Variants in CNTN4 observed in about 807,000 individuals in gnomAD.
The protein encoded by CNTN4 is contactin 4.
In CNTN4, 77 loss-of-function variants were observed where a neutral mutation model predicts 122.5. The observed-to-expected ratio is 0.63, with a 90% CI of 0.52 to 0.76. The LOEUF (loss-of-function observed/expected upper bound fraction) is 0.76. CNTN4 is among the 30% of genes least tolerant of loss of function. The pLI is 0.00. For synonymous variants in CNTN4, 512 were observed against 447.0 expected (o/e 1.15, Z -1.83); for missense variants, 1,256 against 1,259.1 (o/e 1.00, Z 0.04).
chr3:2,427,065 A>C (rs188919712), intron 3 of CNTN4, among the ~76,000 whole-genome samples: 2 of 151,478 alleles, frequency 1.3e-5, no homozygotes, highest in Non-Finnish European at 2.9e-5. Context: ...TTGTGTCTCT[A>C]TCTCCTTCAG....
At chr3:2,233,934 A>T (rs1273747285) in intron 2 of CNTN4, among the ~76,000 whole-genome samples, 3 of 152,212 alleles carry the variant, frequency 2.0e-5, no homozygotes, top group African/African-American at 7.2e-5. Flanking sequence ...AAACAAAAAA[A>T]TCACCTGGAA....
At chr3:2,509,692 G>T (rs2076829578) in intron 3 of CNTN4, among the ~76,000 whole-genome samples, 1 of 152,134 alleles carries the variant, frequency 6.6e-6, no homozygotes, top group Non-Finnish European at 1.5e-5. Context: ...GATCCATTTT[G>T]CTTTTATTCC....
intron 8 of CNTN4, among the ~76,000 whole-genome samples, chr3:2,871,599 G>T (rs1248092014): frequency 6.6e-6 from 1 of 152,038 alleles, no homozygotes; most frequent in Non-Finnish European, 1.5e-5. Flanking sequence ...GGCACTTAGA[G>T]ATCATGCAAT....
intron 3 of CNTN4, among the ~76,000 whole-genome samples, chr3:2,525,550 C>T (rs1489704000): frequency 3.3e-5 from 5 of 152,042 alleles, no homozygotes; most frequent in Non-Finnish European, 2.9e-5. Flanking sequence ...ATTGGCATAC[C>T]TTTGTGTGTA....
At chr3:2,292,351 T>A (rs746550914) in intron 2 of CNTN4, among the ~76,000 whole-genome samples, 3 of 152,222 alleles carry the variant, frequency 2.0e-5, no homozygotes, top group Non-Finnish European at 2.9e-5. Flanking sequence ...GTACCAAACA[T>A]GTATTAGGTA....
At chr3:2,895,587 T>G (rs1212689083) in intron 10 of CNTN4, among the ~76,000 whole-genome samples, 2 of 152,228 alleles carry the variant, frequency 1.3e-5, no homozygotes, top group African/African-American at 4.8e-5. Flanking sequence ...TCCCATACCA[T>G]TGCCAGAAGC....
intron 14 of CNTN4, chr3:2,988,693 T>C (rs982712669): frequency 8.6e-5 from 48 of 560,832 alleles, no homozygotes; most frequent in Non-Finnish European, 1.2e-4. Context: ...CCAATACAAT[T>C]TTGAGAATTA....
chr3:2,512,118 A>T (rs1341436564), intron 3 of CNTN4, among the ~76,000 whole-genome samples: 1 of 152,194 alleles, frequency 6.6e-6, no homozygotes, highest in East Asian at 1.9e-4. Context: ...TAAATTTAAC[A>T]TAGTTTATTT....
intron 3 of CNTN4, among the ~76,000 whole-genome samples, chr3:2,533,468 C>A (rs534370590): frequency 2.7e-5 from 4 of 147,686 alleles, no homozygotes; most frequent in Admixed American, 1.4e-4. Flanking sequence ...TGAACTCATC[C>A]TTTTTTATGG....
intron 14 of CNTN4, among the ~76,000 whole-genome samples, chr3:3,013,908 T>G (rs1041920031): frequency 1.3e-5 from 2 of 152,200 alleles, no homozygotes; most frequent in Admixed American, 1.3e-4. Context: ...GTGTACCTAT[T>G]TGTTATAACC....
intron 3 of CNTN4, among the ~76,000 whole-genome samples, chr3:2,505,307 T>C (rs534694957): frequency 1.3e-5 from 2 of 152,274 alleles, no homozygotes; most frequent in African/African-American, 4.8e-5. Context: ...TCAGAATGTT[T>C]ATATTGGTTC....
intron 2 of CNTN4, among the ~76,000 whole-genome samples, chr3:2,120,409 T>TAG (rs1559261225): frequency 9.6e-6 from 1 of 104,422 alleles, no homozygotes; most frequent in African/African-American, 4.5e-5. Context: ...ATATATATTT[T>TAG]TTTTTTTTTT....
chr3:2,206,792 CT>C (rs1452539501), intron 2 of CNTN4, among the ~76,000 whole-genome samples: 1 of 150,948 alleles, frequency 6.6e-6, no homozygotes, highest in Non-Finnish European at 1.5e-5. Context: ...CACATTTAGT[CT>C]TTGTAAACTG....
At chr3:2,629,068 T>G (rs554803928) in intron 4 of CNTN4, among the ~76,000 whole-genome samples, 97 of 152,202 alleles carry the variant, frequency 6.4e-4, no homozygotes, top group Non-Finnish European at 1.1e-3. Flanking sequence ...AAGGAACTTA[T>G]GTTACAGACT....
chr3:2,669,398 T>A (rs893461982), intron 4 of CNTN4, among the ~76,000 whole-genome samples: 6 of 152,256 alleles, frequency 3.9e-5, no homozygotes, highest in African/African-American at 1.4e-4. Context: ...TATAGTATTC[T>A]CTGATGGTAG....
At chr3:2,160,128 G>T (rs890130066) in intron 2 of CNTN4, among the ~76,000 whole-genome samples, 4 of 152,242 alleles carry the variant, frequency 2.6e-5, no homozygotes, top group Admixed American at 6.5e-5. Context: ...GAAAGAACAT[G>T]TTACTAAATT....
In CNTN4 at chr3:2,271,987, T is replaced by A. The variant is rs116556276; in HGVS notation, c.-144-67191T>A. The stretch of plus-strand genomic sequence containing the variant: ...GAAATATGGAAACATGTTCACAAGA[T>A]GTTAAGTAAAAAAACAGGTTAGCAG... On this transcript the variant is annotated intron_variant, in intron 2 of 24. Coordinates refer to ENST00000418658, the MANE Select transcript of CNTN4 (RefSeq NM_175607.3). 2.4e-3 allele frequency among the ~76,000 whole-genome samples: 360 copies of A among 152,278 alleles called. 2 individuals carry two copies. Among genetic ancestry groups the A allele is most frequent in the African/African-American group, 8.4e-3 (350 of 41,576 alleles).
chr3:2,407,633 T>C (rs75395774), intron 3 of CNTN4, among the ~76,000 whole-genome samples: 4,152 of 152,306 alleles, frequency 0.027, 172 homozygotes, highest in African/African-American at 0.088. Flanking sequence ...ACTTGCTTCC[T>C]CCTCTGTCAT....
rs146207446 is a variant in CNTN4 at position 2,683,996 on chromosome 3, G to A, written c.56-52219G>A. 1.9e-3 allele frequency among the ~76,000 whole-genome samples: 282 copies of A among 152,218 alleles called. 2 individuals carry two copies. Among genetic ancestry groups the A allele is most frequent in the African/African-American group, 6.2e-3 (258 of 41,558 alleles). ...AATTTGAGAAAGGTGTTTACCTATC[G>A]TTTAAAGAATCAACCTTACAGGCAG... is the stretch of plus-strand genomic sequence containing the variant. On this transcript the variant is annotated intron_variant, in intron 4 of 24. Transcript: ENST00000418658.
Sources: gnomAD v4.1 joint callset for allele counts (sites outside exome capture counted in the v4.1 genomes callset) on GRCh38, gnomAD v4.1.1 for gene constraint, MANE v1.5 for transcripts, NCBI Gene and HGNC (gene_info 2026-07-23, HGNC 2026-07-21) for gene names.